Variants in TNS3 observed in about 807,000 individuals in gnomAD.
The protein encoded by TNS3 is tensin-3.
A neutral mutation model predicts 140.9 loss-of-function variants in TNS3; 45 were observed. The ratio of observed to expected loss-of-function variants is 0.32; its 90% confidence interval spans 0.25 to 0.41. The LOEUF is 0.41. Ranked by LOEUF, TNS3 falls within the 10% of genes least tolerant of loss-of-function variation. TNS3 has a pLI of 1.00. For synonymous variants in TNS3, 815 were observed against 788.4 expected, an observed-to-expected ratio of 1.03 and a Z score of -0.56; for missense variants, 1,716 against 1,906.7, an observed-to-expected ratio of 0.90 and a Z score of 1.86.
At chr7:47,526,110 G>A (rs113296287) in intron 2 of TNS3, among the ~76,000 whole-genome samples, 2,130 of 152,318 alleles carry the variant, frequency 0.014, 57 homozygotes, top group African/African-American at 0.048. Flanking sequence ...CTTCTCTTTC[G>A]TTGGTTCCAT....
chr7:47,554,586 G>C (rs1199870999), intron 1 of TNS3, among the ~76,000 whole-genome samples: 1 of 152,192 alleles, frequency 6.6e-6, no homozygotes, highest in Non-Finnish European at 1.5e-5. Flanking sequence ...AGACTTCAGT[G>C]AAGAAAGGAG....
chr7:47,360,901 C>T (rs1790276802), intron 17 of TNS3, among the ~76,000 whole-genome samples: 1 of 152,090 alleles, frequency 6.6e-6, no homozygotes, highest in African/African-American at 2.4e-5. Flanking sequence ...TAGAAAGTAC[C>T]ATGGATCCCC....
intron 2 of TNS3, among the ~76,000 whole-genome samples, chr7:47,517,005 G>A (rs1798800437): frequency 6.6e-6 from 1 of 152,236 alleles, no homozygotes; most frequent in Non-Finnish European, 1.5e-5. Flanking sequence ...GGAGGTTGCA[G>A]TGAGCCAAGA....
chr7:47,407,949 G>A lies in TNS3; in HGVS notation c.723+3778C>T, dbSNP rs1321707863. ...GGTGAAGCCTGAGTTGAGAGGTCAG[G>A]GCCAGGGTGGGTGGACAGTGCTAGA... On this transcript the variant is annotated intron_variant, in intron 13 of 30. Coordinates refer to ENST00000311160, the MANE Select transcript of TNS3 (RefSeq NM_022748.12). The surrounding 1 kb of genome is among the most constrained non-coding windows in gnomAD (Gnocchi z 4.1). Among the ~76,000 whole-genome samples the A allele has an allele frequency of 6.6e-6, 1 of 152,160 alleles. No individual in the cohort carries two copies. The highest frequency in any genetic ancestry group is 2.4e-5 in the African/African-American group (1 of 41,436).
intron 20 of TNS3, among the ~76,000 whole-genome samples, chr7:47,321,000 G>A (rs1192725586): frequency 6.6e-6 from 1 of 152,210 alleles, no homozygotes; most frequent in African/African-American, 2.4e-5. Context: ...GAGGCATGTG[G>A]CTTTTGAGGA....
At chr7:47,549,387 C>G (rs566163015) in intron 1 of TNS3, among the ~76,000 whole-genome samples, 16 of 152,004 alleles carry the variant, frequency 1.1e-4, no homozygotes, top group African/African-American at 3.6e-4. Flanking sequence ...CCCAGCTACT[C>G]GGGAGGCTGA....
rs1392346054 is a variant in TNS3 at position 47,530,536 on chromosome 7, T to C, written c.-264-1389A>G. Among the ~76,000 whole-genome samples, 3 of 151,496 alleles carry C rather than the reference T, an allele frequency of 2.0e-5. No homozygotes were observed. In the East Asian group the frequency reaches 5.8e-4, roughly 29 times the overall value. On this transcript the variant is annotated intron_variant, in intron 1 of 30. Transcript: ENST00000311160. Reference sequence around the variant, plus strand: ...CCACAGATCCAAGAAACTCAAGAAATTTCTTGGCCAGGCTCGGTGGCTCAC... The same window carrying C: ...CCACAGATCCAAGAAACTCAAGAAACTTCTTGGCCAGGCTCGGTGGCTCAC...
At chr7:47,322,080 C>G (rs1787766693) in intron 20 of TNS3, among the ~76,000 whole-genome samples, 1 of 152,106 alleles carries the variant, frequency 6.6e-6, no homozygotes, top group Admixed American at 6.5e-5. Context: ...CATCAAGCAT[C>G]CCTCAGAACT....
At chr7:47,372,785 G>A (rs552851235) in intron 16 of TNS3, among the ~76,000 whole-genome samples, 2 of 152,176 alleles carry the variant, frequency 1.3e-5, no homozygotes, top group Non-Finnish European at 2.9e-5. Flanking sequence ...CAATCCAACT[G>A]TGTCCAGTGC....
At chr7:47,417,806 C>G (rs969827467) in intron 10 of TNS3, among the ~76,000 whole-genome samples, 1 of 151,932 alleles carries the variant, frequency 6.6e-6, no homozygotes, top group Non-Finnish European at 1.5e-5. Context: ...TAAAAGCATG[C>G]CTTTAAAAAA....
At chr7:47,579,783 G>A (rs2152031595) in intron 1 of TNS3, 1 of 957,086 alleles carries the variant, frequency 1.0e-6, no homozygotes, top group Non-Finnish European at 1.2e-6. Context: ...CTTGTGTAGA[G>A]TCCTAAGCAG....
chr7:47,470,776 C>A (rs1423232263), intron 4 of TNS3: 1 of 373,256 alleles, frequency 2.7e-6, no homozygotes, highest in African/African-American at 2.2e-5. Context: ...TGGATGTAAG[C>A]TGACACCAGG....
In TNS3 at chr7:47,576,932, C is replaced by T. The variant is rs186113206; in HGVS notation, c.-265+5119G>A. On this transcript the variant is annotated intron_variant, in intron 1 of 30. Coordinates refer to ENST00000311160, the MANE Select transcript of TNS3 (RefSeq NM_022748.12). Reference sequence around the variant, plus strand: ...TGAACGGCCTTGGCCAGACACTTCCCGAGGACTTTCTTTCTTTCAGTATCG... The same window carrying T: ...TGAACGGCCTTGGCCAGACACTTCCTGAGGACTTTCTTTCTTTCAGTATCG... Among the ~76,000 whole-genome samples the T allele has an allele frequency of 8.2e-3, 1,247 of 152,334 alleles. 18 individuals carry two copies. Among genetic ancestry groups the T allele is most frequent in the Non-Finnish European group, 0.011 (734 of 68,040 alleles).
chr7:47,364,459 C>T (rs182836735), intron 17 of TNS3, among the ~76,000 whole-genome samples: 64 of 152,048 alleles, frequency 4.2e-4, no homozygotes, highest in African/African-American at 1.5e-3. Flanking sequence ...ATTTTTGTAA[C>T]TTTGTAGAGA....
At chr7:47,309,246 A>T (rs1786938223) in intron 20 of TNS3, among the ~76,000 whole-genome samples, 1 of 152,124 alleles carries the variant, frequency 6.6e-6, no homozygotes, top group South Asian at 2.1e-4. Flanking sequence ...CTCCATCCTG[A>T]CCTGAAGCAT....
intron 16 of TNS3, among the ~76,000 whole-genome samples, chr7:47,372,722 T>C (rs1791147853): frequency 6.6e-6 from 1 of 152,192 alleles, no homozygotes. Context: ...CAGGTGGCGT[T>C]CAACCACCTT....
chr7:47,350,125 A>G (rs1031558502), intron 17 of TNS3, among the ~76,000 whole-genome samples: 3 of 151,012 alleles, frequency 2.0e-5, no homozygotes, highest in Non-Finnish European at 3.0e-5. Context: ...ATCCCTTCCC[A>G]CCCCAAAAAG....
In TNS3 at chr7:47,439,568, G is replaced by A. The variant is rs374600543; in HGVS notation, c.69C>T (p.Ala23=). 1.5e-4 allele frequency: 243 copies of A among 1,614,064 alleles called. No individual in the cohort carries two copies. The Middle Eastern group carries it at 1.6e-3, about 11-fold the overall frequency. Reference sequence around the variant, plus strand: ...GCAGGTAGGACTCCTCAGAGCAGCCGGCAGGGAAGGACACAGCGATGATGC... The same window carrying A: ...GCAGGTAGGACTCCTCAGAGCAGCCAGCAGGGAAGGACACAGCGATGATGC... ...TERIIAVSFP[A]GCSEESYLHN... The change falls in exon 6 of 31, where the codon GCC becomes GCT. Residue 23 remains alanine (A), a synonymous_variant. Coordinates refer to ENST00000311160, the MANE Select transcript of TNS3 (RefSeq NM_022748.12).
chr7:47,324,773 T>A (rs544819473), intron 20 of TNS3, among the ~76,000 whole-genome samples: 1 of 152,320 alleles, frequency 6.6e-6, no homozygotes, highest in South Asian at 2.1e-4. Flanking sequence ...AAATATTTTT[T>A]AAAAGTCTCT....
Sources: gnomAD v4.1 joint callset for allele counts (sites outside exome capture counted in the v4.1 genomes callset) on GRCh38, gnomAD v4.1.1 for gene constraint, Gnocchi (gnomAD v3.1) non-coding constraint, MANE v1.5 for transcripts, NCBI Gene and HGNC (gene_info 2026-07-23, HGNC 2026-07-21) for gene names.